Variants in PRKN observed in about 807,000 individuals in gnomAD.
PRKN encodes the protein parkin RBR E3 ubiquitin protein ligase.
A neutral mutation model predicts 59.5 loss-of-function variants in PRKN; 56 were observed. The ratio of observed to expected loss-of-function variants is 0.94; its 90% CI spans 0.76 to 1.18. The LOEUF (loss-of-function observed/expected upper bound fraction) is 1.18. PRKN is among the 50% of genes most tolerant of loss of function. The pLI is 0.00. For synonymous variants in PRKN, 250 were observed against 222.1 expected, an observed-to-expected ratio of 1.13 and a Z score of -1.12; for missense variants, 657 against 596.4, an observed-to-expected ratio of 1.10 and a Z score of -1.06.
rs1785464889 is a variant in PRKN, at chr6:161,372,056, T to C, written c.1168-11851A>G. 6.6e-6 allele frequency among the ~76,000 whole-genome samples: 1 copy of C among 152,216 alleles called. No homozygotes were observed. The highest frequency in any genetic ancestry group is 2.4e-5 in the African/African-American group (1 of 41,458). On this transcript the variant is annotated intron_variant, in intron 10 of 11. Coordinates refer to ENST00000366898, the MANE Select transcript of PRKN (RefSeq NM_004562.3). The surrounding 1 kb of genome is among the most constrained non-coding windows in gnomAD (Gnocchi z 4.2). The stretch of plus-strand genomic sequence containing the variant: ...CTTGCCCCATGGGGCCCTAAATGCT[T>C]CCTAAAGGGGAAGTGAATTAAAATA...
intron 1 of PRKN, among the ~76,000 whole-genome samples, chr6:162,682,309 AG>A (rs1340062483): frequency 1.3e-5 from 2 of 152,134 alleles, no homozygotes; most frequent in Non-Finnish European, 2.9e-5. Context: ...AGGCACTCAT[AG>A]GTTCATCGTA....
In PRKN at chr6:162,011,459, A is replaced by AT. The variant is rs1165465142; in HGVS notation, c.619-38043dup. On this transcript the variant is annotated intron_variant, in intron 5 of 11. Coordinates refer to ENST00000366898, the MANE Select transcript of PRKN (RefSeq NM_004562.3). ...GTTATATATTTATAATATATAATAT[A>AT]TATATTATAATATATAATATATTAT... Among the ~76,000 whole-genome samples the AT allele has an allele frequency of 1.2e-4, 4 of 33,888 alleles. 1 individual carries two copies. Among genetic ancestry groups the AT allele is most frequent in the African/African-American group, 6.4e-4 (4 of 6,266 alleles). 22.2% of individuals were successfully genotyped at this position (33,888 alleles called of 152,430 possible).
At chr6:162,682,656 T>C (rs1779815725) in intron 1 of PRKN, among the ~76,000 whole-genome samples, 1 of 152,132 alleles carries the variant, frequency 6.6e-6, no homozygotes, top group South Asian at 2.1e-4. Flanking sequence ...TCAGGTACTA[T>C]GTCCACTACC....
intron 3 of PRKN, among the ~76,000 whole-genome samples, chr6:162,234,866 C>T (rs1269546234): frequency 6.6e-6 from 1 of 152,122 alleles, no homozygotes; most frequent in Non-Finnish European, 1.5e-5. Context: ...TTCAGCACAT[C>T]GGCACAATGT....
intron 4 of PRKN, among the ~76,000 whole-genome samples, chr6:162,172,419 G>A (rs1458455301): frequency 1.3e-5 from 2 of 152,198 alleles, no homozygotes; most frequent in Non-Finnish European, 2.9e-5. Flanking sequence ...GCCGCCTGCT[G>A]CCTGTTGCCT....
chr6:161,841,033 A>G (rs902294329), intron 6 of PRKN, among the ~76,000 whole-genome samples: 3 of 152,242 alleles, frequency 2.0e-5, no homozygotes, highest in Non-Finnish European at 4.4e-5. Flanking sequence ...ACCTAAAGGC[A>G]GAAATACCAT....
intron 2 of PRKN, among the ~76,000 whole-genome samples, chr6:162,375,044 AT>A (rs1470701840): frequency 1.3e-5 from 2 of 152,116 alleles, no homozygotes; most frequent in Non-Finnish European, 2.9e-5. Context: ...ATTAGGAACA[AT>A]TTTAGTAACA....
intron 2 of PRKN, among the ~76,000 whole-genome samples, chr6:162,310,302 G>T (rs1782437509): frequency 1.3e-5 from 2 of 152,110 alleles, no homozygotes; most frequent in Non-Finnish European, 2.9e-5. Context: ...TACCATAATA[G>T]CTTCTTCCTT....
intron 4 of PRKN, among the ~76,000 whole-genome samples, chr6:162,096,018 G>A (rs906139238): frequency 1.3e-4 from 20 of 152,132 alleles, no homozygotes; most frequent in African/African-American, 4.6e-4. Context: ...TGAAAAATGT[G>A]TCCATACAGG....
At chr6:162,364,195 A>AAT (rs1207132376) in intron 2 of PRKN, among the ~76,000 whole-genome samples, 1 of 152,226 alleles carries the variant, frequency 6.6e-6, no homozygotes, top group Non-Finnish European at 1.5e-5. Flanking sequence ...ATGATTCAAG[A>AAT]ATATAAATAA....
At chr6:162,312,064 G>A (rs1782540695) in intron 2 of PRKN, among the ~76,000 whole-genome samples, 1 of 152,008 alleles carries the variant, frequency 6.6e-6, no homozygotes, top group Non-Finnish European at 1.5e-5. Context: ...CAAACAGAAG[G>A]CGGCATGTAA....
chr6:162,678,319 A>G (rs1405605096), intron 1 of PRKN, among the ~76,000 whole-genome samples: 1 of 152,222 alleles, frequency 6.6e-6, no homozygotes, highest in Non-Finnish European at 1.5e-5. Context: ...GTAAATGTCT[A>G]AAAGTAGAAT....
At chr6:162,335,011 A>T (rs73600144) in intron 2 of PRKN, among the ~76,000 whole-genome samples, 18,139 of 151,802 alleles carry the variant, frequency 0.12, 1,195 homozygotes, top group Middle Eastern at 0.18. Flanking sequence ...TTTCTTATGG[A>T]TGATTTTGTT....
At chr6:161,987,799 T>C (rs1289392736) in intron 5 of PRKN, among the ~76,000 whole-genome samples, 1 of 152,202 alleles carries the variant, frequency 6.6e-6, no homozygotes, top group Non-Finnish European at 1.5e-5. Context: ...ACCTTTTGTG[T>C]CATAAGGACA....
intron 1 of PRKN, among the ~76,000 whole-genome samples, chr6:162,491,804 T>C (rs1792829421): frequency 6.6e-6 from 1 of 152,218 alleles, no homozygotes; most frequent in African/African-American, 2.4e-5. Context: ...CTTCCGGGCA[T>C]GGCTCCATGT....
Position 162,506,458 on chromosome 6 carries a change from C to T in PRKN, c.8-62985G>A, listed in dbSNP as rs117583878. ...GTCCTCCCTCCAGCCCCCTGAAATG[C>T]TTATTTTATAAGAGATCTTGGAGAA... On this transcript the variant is annotated intron_variant, in intron 1 of 11. Transcript: ENST00000366898. 3.9e-5 allele frequency among the ~76,000 whole-genome samples: 6 copies of T among 152,148 alleles called. No individual in the cohort carries two copies. The East Asian group carries it at 1.2e-3, about 29-fold the overall frequency.
At chr6:162,299,754 GGAATTCTTCCTACCTA>G (rs1435959599) in intron 2 of PRKN, among the ~76,000 whole-genome samples, 2 of 151,944 alleles carry the variant, frequency 1.3e-5, no homozygotes, top group Non-Finnish European at 2.9e-5. Flanking sequence ...CCACTTTGCA[GGAATTCTTCCTACCTA>G]CCACACTTAC....
At chr6:162,387,450 A>G (rs1786893469) in intron 2 of PRKN, among the ~76,000 whole-genome samples, 1 of 152,146 alleles carries the variant, frequency 6.6e-6, no homozygotes, top group Middle Eastern at 3.4e-3. Flanking sequence ...AGAAACAACG[A>G]TAATAATTGC....
chr6:162,221,325 C>T (rs1777924861), intron 3 of PRKN, among the ~76,000 whole-genome samples: 1 of 152,164 alleles, frequency 6.6e-6, no homozygotes, highest in African/African-American at 2.4e-5. Context: ...TTGGTCTGGT[C>T]TGTTTGTCAC....
Sources: allele counts gnomAD v4.1 joint callset (sites outside exome capture counted in the v4.1 genomes callset), GRCh38; gene constraint gnomAD v4.1.1; non-coding constraint Gnocchi (gnomAD v3.1); transcripts MANE v1.5; gene names NCBI Gene and HGNC (gene_info 2026-07-23, HGNC 2026-07-21).